CFDP1: variants seen among roughly 807,000 people sequenced by gnomAD.
The protein encoded by CFDP1 is chromatin remodeling protein CFDP1, also known as heterochromatin-stabilizing protein CFDP1.
A neutral mutation model predicts 40.1 loss-of-function variants in CFDP1; 31 were observed. That is an observed-to-expected ratio of 0.77 (90% CI 0.58 to 1.04). The LOEUF (loss-of-function observed/expected upper bound fraction) is 1.04. CFDP1 is among the 50% of genes least tolerant of loss of function. The probability of loss-of-function intolerance (pLI) is 0.00; values close to 1 mark genes in which losing one functional copy is unlikely to be tolerated. For missense variants in CFDP1, 423 were observed against 343.4 expected (o/e 1.23, Z -1.83); for synonymous variants, 167 against 120.0 (o/e 1.39, Z -2.56).
intron 5 of CFDP1, among the ~76,000 whole-genome samples, chr16:75,330,905 C>A (rs937940668): frequency 6.6e-6 from 1 of 150,512 alleles, no homozygotes. Context: ...ATTCTGAAGG[C>A]TGCCTCTGAG....
chr16:75,341,353 T>G (rs1378724617), intron 5 of CFDP1, among the ~76,000 whole-genome samples: 2 of 152,228 alleles, frequency 1.3e-5, no homozygotes, highest in Non-Finnish European at 2.9e-5. Flanking sequence ...GGATTCAAAG[T>G]TATTAATAAC....
intron 5 of CFDP1, among the ~76,000 whole-genome samples, chr16:75,382,169 G>A (rs2078858077): frequency 6.6e-6 from 1 of 151,712 alleles, no homozygotes; most frequent in African/African-American, 2.4e-5. Context: ...TACTGAGAAG[G>A]GGTATTCTGA....
At chr16:75,299,836 C>G (rs929621982) in intron 6 of CFDP1, among the ~76,000 whole-genome samples, 1 of 152,000 alleles carries the variant, frequency 6.6e-6, no homozygotes, top group Non-Finnish European at 1.5e-5. Flanking sequence ...AAAATCAAAC[C>G]GGGTAGTGTG....
chr16:75,369,485 T>C (rs1216504989), intron 5 of CFDP1, among the ~76,000 whole-genome samples: 1 of 152,168 alleles, frequency 6.6e-6, no homozygotes, highest in African/African-American at 2.4e-5. Context: ...GCTTTAACTA[T>C]TATATACATT....
chr16:75,397,187 T>A (rs531055118), intron 4 of CFDP1, among the ~76,000 whole-genome samples: 2 of 151,604 alleles, frequency 1.3e-5, no homozygotes, highest in Non-Finnish European at 2.9e-5. Flanking sequence ...GTGCTGGGAT[T>A]ACAGGCGTGA....
At chr16:75,401,094 G>C (rs247440) in intron 4 of CFDP1, among the ~76,000 whole-genome samples, 3,382 of 152,112 alleles carry the variant, frequency 0.022, 58 homozygotes, top group Non-Finnish European at 0.035. Context: ...AGGAGTTCCA[G>C]ACCAGCCTGG....
chr16:75,318,122 G>A (rs1245771299), intron 5 of CFDP1, among the ~76,000 whole-genome samples: 1 of 152,022 alleles, frequency 6.6e-6, no homozygotes, highest in African/African-American at 2.4e-5. Flanking sequence ...CTGGGTGACA[G>A]AGTGAGACTC....
chr16:75,386,345 G>A (rs998730031), intron 5 of CFDP1, among the ~76,000 whole-genome samples: 1 of 152,134 alleles, frequency 6.6e-6, no homozygotes, highest in Non-Finnish European at 1.5e-5. Context: ...TAATTCCTAG[G>A]TTCAGAGTAT....
At chr16:75,327,052 T>C (rs2078406991) in intron 5 of CFDP1, among the ~76,000 whole-genome samples, 1 of 152,052 alleles carries the variant, frequency 6.6e-6, no homozygotes, top group South Asian at 2.1e-4. Flanking sequence ...GGGCGGATCA[T>C]GAGGTCAGGA....
chr16:75,405,258 G>A (rs939611865), intron 4 of CFDP1, among the ~76,000 whole-genome samples: 2 of 152,190 alleles, frequency 1.3e-5, no homozygotes, highest in African/African-American at 4.8e-5. Context: ...GCCCAAAAAT[G>A]TAATAAAATG....
chr16:75,337,514 T>C (rs1196874658), intron 5 of CFDP1, among the ~76,000 whole-genome samples: 1 of 152,190 alleles, frequency 6.6e-6, no homozygotes, highest in Admixed American at 6.5e-5. Flanking sequence ...CTCACACTGG[T>C]ATCAAGAACT....
chr16:75,301,415 G>A (rs1311989343), intron 6 of CFDP1, among the ~76,000 whole-genome samples: 1 of 151,882 alleles, frequency 6.6e-6, no homozygotes, highest in Admixed American at 6.6e-5. Flanking sequence ...GGAGGTGCCT[G>A]TATAATTCTT....
intron 5 of CFDP1, among the ~76,000 whole-genome samples, chr16:75,376,903 C>T (rs888000899): frequency 5.9e-5 from 9 of 152,206 alleles, no homozygotes; most frequent in African/African-American, 1.9e-4. Context: ...GCATAAACTG[C>T]CCCTTAATCT....
intron 1 of CFDP1, among the ~76,000 whole-genome samples, chr16:75,432,773 A>G (rs2151611980): frequency 6.6e-6 from 1 of 152,314 alleles, no homozygotes; most frequent in South Asian, 2.1e-4. Flanking sequence ...TGAGATCCCT[A>G]AGGAAAGAAA....
intron 5 of CFDP1, among the ~76,000 whole-genome samples, chr16:75,320,222 C>A (rs2078352655): frequency 6.6e-6 from 1 of 152,106 alleles, no homozygotes; most frequent in Non-Finnish European, 1.5e-5. Flanking sequence ...ATGTATGAAC[C>A]CTTAAACAAG....
chr16:75,401,098 A>G (rs1307851038), intron 4 of CFDP1, among the ~76,000 whole-genome samples: 1 of 152,126 alleles, frequency 6.6e-6, no homozygotes, highest in Admixed American at 6.5e-5. Context: ...GTTCCAGACC[A>G]GCCTGGCAAC....
At chr16:75,376,130 G>A (rs2078793925) in intron 5 of CFDP1, among the ~76,000 whole-genome samples, 1 of 152,082 alleles carries the variant, frequency 6.6e-6, no homozygotes, top group Admixed American at 6.5e-5. Context: ...AAGATCTCTT[G>A]AGCCACAGAG....
intron 5 of CFDP1, among the ~76,000 whole-genome samples, chr16:75,391,900 G>C (rs1032738724): frequency 2.0e-5 from 3 of 151,824 alleles, no homozygotes; most frequent in Non-Finnish European, 2.9e-5. Context: ...CCCAGGAGGT[G>C]GAGCTTGCAG....
At chr16:75,403,060 G>A (rs947641634) in intron 4 of CFDP1, among the ~76,000 whole-genome samples, 34 of 152,062 alleles carry the variant, frequency 2.2e-4, no homozygotes, top group African/African-American at 7.5e-4. Flanking sequence ...ACATGGTGCT[G>A]CCCTCTTCTG....
Sources: gnomAD v4.1 joint callset for allele counts (sites outside exome capture counted in the v4.1 genomes callset) on GRCh38, gnomAD v4.1.1 for gene constraint, MANE v1.5 for transcripts, NCBI Gene and HGNC (gene_info 2026-07-23, HGNC 2026-07-21) for gene names.